The following TPX2 variants were observed in gnomAD, a reference collection of about 807,000 sequenced individuals.
TPX2 encodes TPX2 microtubule nucleation factor.
Under a neutral mutation model 93.6 loss-of-function variants are expected in TPX2, and 21 were observed. The observed-to-expected ratio is 0.22, with a 90% CI of 0.16 to 0.32. The LOEUF is 0.32. Ranked by LOEUF, TPX2 falls within the 10% of genes least tolerant of loss-of-function variation. The pLI is 1.00. For missense variants in TPX2, 776 were observed against 871.1 expected, an observed-to-expected ratio of 0.89 and a Z score of 1.37; for synonymous variants, 281 against 298.3, an observed-to-expected ratio of 0.94 and a Z score of 0.60.
chr20:31,758,178 A>C (rs2061863651), intron 3 of TPX2, among the ~76,000 whole-genome samples: 2 of 142,320 alleles, frequency 1.4e-5, no homozygotes. Flanking sequence ...GCTGGAGTGC[A>C]GTGGTACAAT....
At chr20:31,747,184 A>C (rs931845666) in intron 2 of TPX2, among the ~76,000 whole-genome samples, 2 of 152,116 alleles carry the variant, frequency 1.3e-5, no homozygotes, top group Non-Finnish European at 2.9e-5. Flanking sequence ...GCAGCGGTGC[A>C]ATCTCGGCTC....
intron 13 of TPX2, 100 bp downstream of exon 13, chr20:31,792,930 T>A: frequency 9.1e-7 from 1 of 1,095,034 alleles, no homozygotes; most frequent in Non-Finnish European, 1.4e-6. Flanking sequence ...AGGCAACCAC[T>A]CTTTTTTGGA....
Position 31,766,665 on chromosome 20 carries a change from T to G in TPX2, c.339T>G (p.Thr113=), listed in dbSNP as rs1390015059. 6.2e-7 allele frequency: 1 copy of G among 1,613,498 alleles called. No individual in the cohort carries two copies. Among genetic ancestry groups the G allele is most frequent in the East Asian group, 2.2e-5 (1 of 44,892 alleles). The part of the protein sequence containing the change: ...LEVEAAISRK[T]PAQPQRRSLR... ...TTGAGGCAGCCATATCAAGAAAAAC[T>G]CCAGCCCAGCCTCAGAGGTAAGACT... Residue 113 remains threonine (T), a synonymous_variant, in exon 5 of 18, where the codon ACT becomes ACG. Coordinates refer to ENST00000300403, the MANE Select transcript of TPX2 (RefSeq NM_012112.5).
Position 31,793,969 on chromosome 20 carries a change from A to G in TPX2, c.1631A>G (p.Asp544Gly), listed in dbSNP as rs776675121. The change falls in exon 14 of 18, where the codon GAC (aspartate) becomes GGC (glycine). Residue 544 changes from aspartate (D) to glycine (G), a missense_variant. Asp to Gly is a moderately conservative substitution (Grantham distance 94). This residue lies in a region of TPX2 where 461 missense variants were observed against 551.2 expected (regional missense o/e 0.84). Coordinates refer to ENST00000300403, the MANE Select transcript of TPX2 (RefSeq NM_012112.5). ...EICPFSFDSR[D>G]KERQLQKEKK... ...TGCCCTTTCTCGTTTGATTCTCGAGACAAAGAACGTCAGTTACAGAAGGAG... is the reference window on the plus strand; with the variant it reads ...TGCCCTTTCTCGTTTGATTCTCGAGGCAAAGAACGTCAGTTACAGAAGGAG... 3 of 1,613,770 alleles carry G rather than the reference A, an allele frequency of 1.9e-6. No homozygotes were observed. Among genetic ancestry groups the G allele is most frequent in the East Asian group, 4.5e-5 (2 of 44,872 alleles).
At chr20:31,764,457 T>G (rs1285870697) in intron 4 of TPX2, among the ~76,000 whole-genome samples, 1 of 152,158 alleles carries the variant, frequency 6.6e-6, no homozygotes, top group Non-Finnish European at 1.5e-5. Flanking sequence ...GTTGAGCCAC[T>G]GTGCCTGGCC....
chr20:31,754,425 A>G (rs1168915541), intron 2 of TPX2, among the ~76,000 whole-genome samples: 1 of 152,154 alleles, frequency 6.6e-6, no homozygotes, highest in African/African-American at 2.4e-5. Flanking sequence ...AGAAGCTGTG[A>G]AATGCTGGCC....
rs543708586 is a variant in TPX2, at chr20:31,756,786, G to A, written c.-70-621G>A. Among the ~76,000 whole-genome samples the A allele has an allele frequency of 1.5e-4, 23 of 151,888 alleles. No homozygotes were observed. In the Middle Eastern group the frequency reaches 0.014, roughly 90 times the overall value. The stretch of plus-strand genomic sequence containing the variant: ...TTACAGGCGCCTGCCACCATGCCCA[G>A]CTAATTTTTTGTATTTTTTAAGTAC... On this transcript the variant is annotated intron_variant, in intron 2 of 17. Coordinates refer to ENST00000300403, the MANE Select transcript of TPX2 (RefSeq NM_012112.5).
intron 9 of TPX2, 110 bp downstream of exon 9, chr20:31,777,748 G>T: frequency 6.9e-6 from 8 of 1,164,504 alleles, no homozygotes; most frequent in Admixed American, 2.8e-5. Flanking sequence ...AAAAAACCTT[G>T]TGTCTATAAA....
chr20:31,801,040 T>G lies in TPX2; in HGVS notation c.2204T>G (p.Val735Gly). 6.2e-7 allele frequency: 1 copy of G among 1,614,214 alleles called. No homozygotes were observed. The highest frequency in any genetic ancestry group is 8.5e-7 in the Non-Finnish European group (1 of 1,180,026). ...EIKSSDQPLT[V>G]PVSPKFSTRF... is the part of the protein sequence containing the mutation. ...AAGTCAAGTGACCAGCCTCTGACTG[T>G]GCCTGTATCTCCCAAATTCTCCACT... The change falls in exon 18 of 18, where the codon GTG (valine) becomes GGG (glycine). Residue 735 changes from valine to glycine, a missense_variant. Around this residue, in one of 3 missense-constraint regions of TPX2, gnomAD observed 461 missense variants for 551.2 expected, o/e 0.84. Coordinates refer to ENST00000300403, the MANE Select transcript of TPX2 (RefSeq NM_012112.5).
chr20:31,745,678 A>G (rs1411373730), intron 2 of TPX2, among the ~76,000 whole-genome samples: 2 of 152,172 alleles, frequency 1.3e-5, no homozygotes, highest in Non-Finnish European at 2.9e-5. Flanking sequence ...CCCAAACCAG[A>G]TACCTTTTGA....
Position 31,801,068 on chromosome 20 carries a change from A to C in TPX2, c.2232A>C (p.Arg744=). ...CTGTATCTCCCAAATTCTCCACTCG[A>C]TTCCACTGCTAAACTCAGCTGTGAG... ...TVPVSPKFST[R]FHC is the part of the protein sequence containing the mutation. Residue 744 remains arginine (R), a synonymous_variant, in exon 18 of 18, where the codon CGA becomes CGC. Coordinates refer to ENST00000300403, the MANE Select transcript of TPX2 (RefSeq NM_012112.5). The C allele has an allele frequency of 6.2e-7, 1 of 1,614,114 alleles. No homozygotes were observed. The highest frequency in any genetic ancestry group is 8.5e-7 in the Non-Finnish European group (1 of 1,180,004).
intron 15 of TPX2, among the ~76,000 whole-genome samples, chr20:31,794,755 A>AGTGTGTGTGTGTGTGTGT (rs35018680): frequency 2.8e-5 from 4 of 145,390 alleles, no homozygotes; most frequent in African/African-American, 2.5e-5. Context: ...TCTGTCGCAT[A>AGTGTGTGTGTGTGTGTGT]GTGTGTGTGT....
At chr20:31,779,780 G>A (rs1467526840) in intron 10 of TPX2, among the ~76,000 whole-genome samples, 1 of 152,206 alleles carries the variant, frequency 6.6e-6, no homozygotes, top group African/African-American at 2.4e-5. Flanking sequence ...AGCACAGGTG[G>A]AGTGAGTGTT....
chr20:31,763,265 C>T (rs1438161322), intron 4 of TPX2, among the ~76,000 whole-genome samples: 2 of 152,000 alleles, frequency 1.3e-5, no homozygotes, highest in South Asian at 2.1e-4. Flanking sequence ...CTGCAACCTC[C>T]GCCCCCCGGG....
At chr20:31,747,582 A>G (rs1377396384) in intron 2 of TPX2, among the ~76,000 whole-genome samples, 1 of 152,196 alleles carries the variant, frequency 6.6e-6, no homozygotes, top group Non-Finnish European at 1.5e-5. Flanking sequence ...TTCATAGCAT[A>G]CAGGATAGGC....
intron 4 of TPX2, among the ~76,000 whole-genome samples, chr20:31,764,132 A>G (rs2061909490): frequency 6.6e-6 from 1 of 151,380 alleles, no homozygotes; most frequent in Admixed American, 6.6e-5. Flanking sequence ...GTATATATGT[A>G]CATATACATG....
chr20:31,754,042 AAAC>A (rs1201203282), intron 2 of TPX2, among the ~76,000 whole-genome samples: 1 of 151,954 alleles, frequency 6.6e-6, no homozygotes, highest in Non-Finnish European at 1.5e-5. Flanking sequence ...AACAAAACAA[AAAC>A]AACAACAATA....
intron 8 of TPX2, among the ~76,000 whole-genome samples, chr20:31,776,206 G>A (rs887377843): frequency 6.6e-6 from 1 of 150,712 alleles, no homozygotes; most frequent in Non-Finnish European, 1.5e-5. Context: ...TCAGCCTCCC[G>A]AGTAGCTGGG....
intron 2 of TPX2, among the ~76,000 whole-genome samples, chr20:31,744,912 C>T (rs2061774886): frequency 6.6e-6 from 1 of 152,076 alleles, no homozygotes; most frequent in Admixed American, 6.5e-5. Flanking sequence ...CATGGTGAAA[C>T]CCTGTCTCTA....
Sources: gnomAD v4.1 joint callset for allele counts (sites outside exome capture counted in the v4.1 genomes callset) on GRCh38, gnomAD v4.1.1 for gene constraint, gnomAD v4.1.1 regional missense constraint, MANE v1.5 for transcripts, NCBI Gene and HGNC (gene_info 2026-07-23, HGNC 2026-07-21) for gene names.